ELFN2: variants seen among roughly 807,000 people sequenced by gnomAD.
ELFN2 encodes protein phosphatase 1 regulatory subunit 29.
ELFN2 carries 17 observed loss-of-function variants against 45.5 expected under a neutral mutation model. The observed-to-expected ratio is 0.37, with a 90% confidence interval of 0.26 to 0.56. The LOEUF (loss-of-function observed/expected upper bound fraction) is 0.56, where lower values mean the gene tolerates loss of function less well. Ranked by LOEUF, ELFN2 falls within the 20% of genes least tolerant of loss-of-function variation. The pLI, the probability that ELFN2 is intolerant of heterozygous loss-of-function variation, is 0.77. For synonymous variants in ELFN2, 550 were observed against 551.5 expected (o/e 1.00, Z 0.04); for missense variants, 922 against 1,183.2 (o/e 0.78, Z 3.24).
chr22:37,373,371 C>T lies in ELFN2; in HGVS notation c.2164G>A (p.Asp722Asn), dbSNP rs761145702. 7.4e-6 allele frequency: 12 copies of T among 1,612,132 alleles called. No individual in the cohort carries two copies. The South Asian group carries it at 8.8e-5, about 12-fold the overall frequency. Residue 722 changes from aspartate (D) to asparagine (N), a missense_variant, in exon 3 of 3, where the codon GAC becomes AAC. By Grantham distance (23) the Asp-to-Asn change is conservative. This residue lies in a region of ELFN2 where 564 missense variants were observed against 642.8 expected (regional missense o/e 0.88). Transcript: ENST00000402918. ...AAGGACACGCGCTGGCTCAGGCTGT[C>T]GGCACCCTCCTCGTAGTACAGGGCG... ...FPALYYEEGA[D>N]SLSQRVSFLK...
chr22:37,419,460 A>G (rs1033057843), intron 1 of ELFN2, among the ~76,000 whole-genome samples: 10 of 152,058 alleles, frequency 6.6e-5, no homozygotes, highest in African/African-American at 2.4e-4. Context: ...CCTAGAGACC[A>G]AGGTGCACTG....
In ELFN2 at chr22:37,343,615, G is replaced by A. The variant is rs925832848; in HGVS notation, n.149-912C>T. 4.6e-5 allele frequency among the ~76,000 whole-genome samples: 7 copies of A among 152,146 alleles called. No individual in the cohort carries two copies. In the South Asian group the frequency reaches 1.5e-3, roughly 32 times the overall value. ...TCCTCAGTGCTCCCGCTGCTCAGCC[G>A]TGAGGATGATCAACACCCACCAGGC... On this transcript the variant is annotated intron_variant and non_coding_transcript_variant, in intron 1 of 2. Transcript: ENST00000452946.
intron 2 of ELFN2, among the ~76,000 whole-genome samples, chr22:37,405,688 G>A (rs972547714): frequency 2.6e-5 from 4 of 152,014 alleles, no homozygotes; most frequent in African/African-American, 9.7e-5. Context: ...CCCTTTCCCT[G>A]CCCAAATAGC....
chr22:37,401,677 C>T (rs1434362979), intron 2 of ELFN2, among the ~76,000 whole-genome samples: 3 of 152,204 alleles, frequency 2.0e-5, no homozygotes, highest in African/African-American at 7.2e-5. Flanking sequence ...GGGCCACCGC[C>T]CTAGGAGGCG....
intron 1 of ELFN2, among the ~76,000 whole-genome samples, chr22:37,419,653 C>T (rs1932794086): frequency 6.6e-6 from 1 of 152,160 alleles, no homozygotes; most frequent in Admixed American, 6.5e-5. Flanking sequence ...CACGGGGCCC[C>T]CAACATAGAC....
chr22:37,409,434 G>A (rs1481787390), intron 2 of ELFN2, among the ~76,000 whole-genome samples: 1 of 152,104 alleles, frequency 6.6e-6, no homozygotes, highest in African/African-American at 2.4e-5. Context: ...GACAGCCAGG[G>A]GTCCTGGCCC....
chr22:37,400,211 A>C (rs1932328429), intron 2 of ELFN2, among the ~76,000 whole-genome samples: 3 of 149,764 alleles, frequency 2.0e-5, no homozygotes, highest in African/African-American at 2.5e-5. Context: ...ATGCTGACCC[A>C]CCCCCTCGTG....
chr22:37,409,898 G>A (rs567227538), intron 2 of ELFN2, among the ~76,000 whole-genome samples: 1 of 152,090 alleles, frequency 6.6e-6, no homozygotes, highest in African/African-American at 2.4e-5. Flanking sequence ...CAGGAAACAC[G>A]GGTCAGTGAC....
chr22:37,383,816 G>A (rs1931857078), intron 2 of ELFN2, among the ~76,000 whole-genome samples: 1 of 152,218 alleles, frequency 6.6e-6, no homozygotes, highest in Non-Finnish European at 1.5e-5. Flanking sequence ...TGACAGCCAA[G>A]GCGTCAGGGT....
intron 2 of ELFN2, among the ~76,000 whole-genome samples, chr22:37,386,941 G>T (rs1931963086): frequency 6.6e-6 from 1 of 152,206 alleles, no homozygotes; most frequent in African/African-American, 2.4e-5. Context: ...GGACAAGAAG[G>T]GCACCAGCTC....
downstream of ELFN2, among the ~76,000 whole-genome samples, chr22:37,367,070 C>G (rs1235934236): frequency 6.6e-6 from 1 of 152,238 alleles, no homozygotes; most frequent in Non-Finnish European, 1.5e-5. Flanking sequence ...CTCAGACCCA[C>G]AGAGTCCAGA....
At chr22:37,424,462 G>T (rs1002400524) in intron 1 of ELFN2, among the ~76,000 whole-genome samples, 1 of 152,148 alleles carries the variant, frequency 6.6e-6, no homozygotes, top group African/African-American at 2.4e-5. Flanking sequence ...TTCCTATCAC[G>T]CTGACTGTTT....
At chr22:37,387,208 C>T (rs887596253) in intron 2 of ELFN2, among the ~76,000 whole-genome samples, 9 of 152,166 alleles carry the variant, frequency 5.9e-5, no homozygotes, top group African/African-American at 1.9e-4. Context: ...TGTCCAGGCC[C>T]CCCAATAGCC....
chr22:37,345,152 AC>A (rs1930666447), intron 1 of ELFN2, among the ~76,000 whole-genome samples: 2 of 152,158 alleles, frequency 1.3e-5, no homozygotes, highest in Non-Finnish European at 2.9e-5. Flanking sequence ...ATCTGTGAGC[AC>A]CTTTCATCCT....
chr22:37,350,338 T>C (rs1031688091), intron 1 of ELFN2, among the ~76,000 whole-genome samples: 2 of 146,886 alleles, frequency 1.4e-5, no homozygotes, highest in African/African-American at 2.5e-5. Flanking sequence ...GCCACTTGAG[T>C]TTGCAGCCTG....
chr22:37,412,383 T>C (rs1333078420), intron 2 of ELFN2, among the ~76,000 whole-genome samples: 3 of 151,610 alleles, frequency 2.0e-5, no homozygotes, highest in Admixed American at 1.3e-4. Context: ...CTCCTGGGAA[T>C]TGAGGCTCTA....
chr22:37,373,335 G>A lies in ELFN2; in HGVS notation c.2200C>T (p.Leu734=). 1 of 1,613,580 alleles carries A rather than the reference G, an allele frequency of 6.2e-7. No individual in the cohort carries two copies. Among genetic ancestry groups the A allele is most frequent in the Non-Finnish European group, 8.5e-7 (1 of 1,180,020 alleles). ...GTGGAGTCACGCTTGGAGCGGGTCA[G>A]CGGCTTGAGGAAGGACACGCGCTGG... is the stretch of plus-strand genomic sequence containing the variant. ...LSQRVSFLKP[L]TRSKRDSTYS... is the part of the protein sequence containing the mutation. The change falls in exon 3 of 3, where the codon CTG becomes TTG. Residue 734 remains leucine (L), a synonymous_variant. Transcript: ENST00000402918.
chr22:37,419,254 T>A (rs763851753), intron 1 of ELFN2, among the ~76,000 whole-genome samples: 32 of 151,656 alleles, frequency 2.1e-4, no homozygotes, highest in Admixed American at 2.6e-4. Context: ...CTCCCAGGCC[T>A]AGCTGGGAGC....
intron 2 of ELFN2, among the ~76,000 whole-genome samples, chr22:37,411,499 A>G (rs1932648487): frequency 6.6e-6 from 1 of 152,206 alleles, no homozygotes; most frequent in Non-Finnish European, 1.5e-5. Flanking sequence ...CACAGACCTC[A>G]GACAATGTCC....
Sources: gnomAD v4.1 joint callset for allele counts (sites outside exome capture counted in the v4.1 genomes callset) on GRCh38, gnomAD v4.1.1 for gene constraint, gnomAD v4.1.1 regional missense constraint, MANE v1.5 for transcripts, NCBI Gene and HGNC (gene_info 2026-07-23, HGNC 2026-07-21) for gene names.